PCDHGA11: variants seen among roughly 807,000 people sequenced by gnomAD.
PCDHGA11 encodes the protein protocadherin gamma subfamily A, 11.
A neutral mutation model predicts 60.4 loss-of-function variants in PCDHGA11; 39 were observed. That is an observed-to-expected ratio of 0.65 (90% CI 0.50 to 0.84). The LOEUF (loss-of-function observed/expected upper bound fraction) is 0.84. Among genes scored for constraint, PCDHGA11 ranks in the 40% least tolerant of loss-of-function variants. The pLI is 0.00. For synonymous variants in PCDHGA11, 533 were observed against 510.3 expected (o/e 1.04, Z -0.60); for missense variants, 1,165 against 1,197.7 (o/e 0.97, Z 0.40).
rs200519543 is a variant in PCDHGA11, at chr5:141,439,190, C to CAA, written c.2433+15544_2433+15545dup. 3.7e-3 allele frequency among the ~76,000 whole-genome samples: 409 copies of CAA among 111,790 alleles called. 4 individuals are homozygous for CAA. The highest frequency in any genetic ancestry group is 0.029 in the East Asian group (112 of 3,852). The allele number at this position is 111,790 out of a possible 152,430, so 73.3% of individuals were successfully genotyped here. A position where few individuals can be genotyped will look rare whatever the true frequency, so the allele number is the denominator to read the frequency against. On this transcript the variant is annotated intron_variant, in intron 1 of 3. Transcript: ENST00000398587. Reference sequence around the variant, plus strand: ...CCTGGGCGACATAGTGAGACTCTGACAAAAAAAAAAAAAAATCCATATGTG... The same window carrying CAA: ...CCTGGGCGACATAGTGAGACTCTGACAAAAAAAAAAAAAAAAATCCATATGTG...
chr5:141,427,428 T>A (rs1489623330), intron 1 of PCDHGA11: 1 of 470,472 alleles, frequency 2.1e-6, no homozygotes. Context: ...GGAGGTTACA[T>A]GCCTCATAAA....
rs148798222 is a variant in PCDHGA11, at chr5:141,432,106, G to A, written c.2433+8446G>A. On this transcript the variant is annotated intron_variant, in intron 1 of 3. Coordinates refer to ENST00000398587, the MANE Select transcript of PCDHGA11 (RefSeq NM_018914.3). This position sits in a 1 kb window ranked among gnomAD's most constrained non-coding sequence, Gnocchi z 6.0. The stretch of plus-strand genomic sequence containing the variant: ...ACGTGGCAGACACCAACGACAACCC[G>A]CCGGTCTTCCCTCAGGCCTCCTATT... 4 of 1,614,068 alleles carry A rather than the reference G, an allele frequency of 2.5e-6. No homozygotes were observed. Among genetic ancestry groups the A allele is most frequent in the Non-Finnish European group, 3.4e-6 (4 of 1,180,020 alleles).
intron 1 of PCDHGA11, chr5:141,426,591 A>G: frequency 1.4e-5 from 5 of 369,676 alleles, no homozygotes; most frequent in South Asian, 7.9e-5. Context: ...CCTCTGTGTC[A>G]TACCCTTAGA....
rs1032814206 is a variant in PCDHGA11, at chr5:141,472,764, T to A, written c.2434-22043T>A. Among the ~76,000 whole-genome samples, 12 of 152,040 alleles carry A rather than the reference T, an allele frequency of 7.9e-5. No individual in the cohort carries two copies. The East Asian group carries it at 2.1e-3, about 27-fold the overall frequency. ...ACTTTGGGAGGCGGAGGCTGGCAGATCACCTGAGGTTGGGAGTTCAAGATC... is the reference window on the plus strand; with the variant it reads ...ACTTTGGGAGGCGGAGGCTGGCAGAACACCTGAGGTTGGGAGTTCAAGATC... On this transcript the variant is annotated intron_variant, in intron 1 of 3. Coordinates refer to ENST00000398587, the MANE Select transcript of PCDHGA11 (RefSeq NM_018914.3).
chr5:141,431,554 C>A lies in PCDHGA11; in HGVS notation c.2433+7894C>A, dbSNP rs766242338. On this transcript the variant is annotated intron_variant, in intron 1 of 3. Coordinates refer to ENST00000398587, the MANE Select transcript of PCDHGA11 (RefSeq NM_018914.3). The surrounding 1 kb of genome is among the most constrained non-coding windows in gnomAD (Gnocchi z 4.8). ...TGGGCACGCAGCTGCTTGTAGTCAA[C>A]GCTACCGACCCTGACGAAGGAGTCA... 1.2e-6 allele frequency: 2 copies of A among 1,614,008 alleles called. No individual in the cohort carries two copies. Among genetic ancestry groups the A allele is most frequent in the African/African-American group, 1.3e-5 (1 of 74,942 alleles).
intron 2 of PCDHGA11, among the ~76,000 whole-genome samples, chr5:141,498,792 G>A (rs1217057199): frequency 2.6e-5 from 4 of 152,086 alleles, no homozygotes; most frequent in Admixed American, 2.6e-4. Context: ...TATTAGCCAG[G>A]TGTGGTGGTG....
At chr5:141,427,120 TC>T (rs1212765591) in intron 1 of PCDHGA11, 1 of 457,342 alleles carries the variant, frequency 2.2e-6, no homozygotes, top group African/African-American at 2.0e-5. Context: ...ACCTACTCTT[TC>T]AAATCCCTAC....
At position 141,490,357 on chromosome 5, in the gene PCDHGA11, A is replaced by G; in HGVS notation, c.2434-4450A>G. ...AGTGGGCACAGTAGTGGGGTTGTTT[A>G]ATGTGCGAGACCGGGACTCAGGTAG... On this transcript the variant is annotated intron_variant, in intron 1 of 3. Transcript: ENST00000398587. This position sits in a 1 kb window ranked among gnomAD's most constrained non-coding sequence, Gnocchi z 5.4. The G allele has an allele frequency of 6.2e-7, 1 of 1,614,178 alleles. No individual in the cohort carries two copies. The highest frequency in any genetic ancestry group is 8.5e-7 in the Non-Finnish European group (1 of 1,180,030).
chr5:141,477,265 G>A lies in PCDHGA11; in HGVS notation c.2434-17542G>A. The A allele has an allele frequency of 6.2e-7, 1 of 1,614,198 alleles. No individual in the cohort carries two copies. Among genetic ancestry groups the A allele is most frequent in the African/African-American group, 1.3e-5 (1 of 75,048 alleles). On this transcript the variant is annotated intron_variant, in intron 1 of 3. Transcript: ENST00000398587. The surrounding 1 kb of genome is among the most constrained non-coding windows in gnomAD (Gnocchi z 4.9). ...GTGTGACTGACCTGGATGCTGGCGA[G>A]AACGGGCTGGTGACCTGCGAAGTTC...
chr5:141,453,546 C>T lies in PCDHGA11; in HGVS notation c.2433+29886C>T, dbSNP rs116481133. Among the ~76,000 whole-genome samples, 695 of 152,296 alleles carry T rather than the reference C, an allele frequency of 4.6e-3. 4 individuals are homozygous for T. Among genetic ancestry groups the T allele is most frequent in the African/African-American group, 0.015 (634 of 41,558 alleles). On this transcript the variant is annotated intron_variant, in intron 1 of 3. Transcript: ENST00000398587. ...TACCTTCTGCCTCATTCACACCACA[C>T]TCTGTAGATAATCGATTTCATTAGT...
rs776079289 is a variant in PCDHGA11 at position 141,423,264 on chromosome 5, CGAGTCTCT to C, written c.2039_2046del (p.Glu680GlyfsTer2). The C allele has an allele frequency of 9.8e-5, 158 of 1,613,986 alleles. 1 individual carries two copies. The African/African-American group carries it at 1.9e-3, about 20-fold the overall frequency. ...AAGTCCTGGCGGACCTCGGCAGCCT[CGAGTCTCT>C]GGCTAACTCTGAAACCTCAGACCTC... On this transcript the variant is annotated frameshift_variant, in exon 1 of 4. Transcript: ENST00000398587. LOFTEE classifies it high-confidence loss of function.
chr5:141,446,275 A>G (rs1229842331), intron 1 of PCDHGA11, among the ~76,000 whole-genome samples: 1 of 152,156 alleles, frequency 6.6e-6, no homozygotes, highest in African/African-American at 2.4e-5. Flanking sequence ...GAATAAATAC[A>G]ATGGATAAAT....
intron 1 of PCDHGA11, among the ~76,000 whole-genome samples, chr5:141,469,108 C>A (rs923728484): frequency 4.0e-5 from 6 of 151,768 alleles, no homozygotes; most frequent in Non-Finnish European, 5.9e-5. Context: ...AAGAACCTGT[C>A]TCTAAAAAAA....
At chr5:141,470,628 G>T (rs1475199767) in intron 1 of PCDHGA11, among the ~76,000 whole-genome samples, 12 of 152,146 alleles carry the variant, frequency 7.9e-5, no homozygotes, top group Admixed American at 7.9e-4. Flanking sequence ...GCTTAGATAG[G>T]CCCCCTTGCT....
At chr5:141,449,215 T>C (rs2098631967) in intron 1 of PCDHGA11, among the ~76,000 whole-genome samples, 2 of 152,170 alleles carry the variant, frequency 1.3e-5, no homozygotes, top group Non-Finnish European at 2.9e-5. Context: ...ACTTTCTGTT[T>C]TGAAATGATT....
At position 141,490,027 on chromosome 5, in the gene PCDHGA11, C is replaced by T. The variant is rs767829552; in HGVS notation, c.2434-4780C>T. Reference sequence around the variant, plus strand: ...TGCACCCATTGGTACTCTGCTGCTCCGCCTCAATGCCACTGATCCAGACGA... The same window carrying T: ...TGCACCCATTGGTACTCTGCTGCTCTGCCTCAATGCCACTGATCCAGACGA... On this transcript the variant is annotated intron_variant, in intron 1 of 3. Coordinates refer to ENST00000398587, the MANE Select transcript of PCDHGA11 (RefSeq NM_018914.3). This position sits in a 1 kb window ranked among gnomAD's most constrained non-coding sequence, Gnocchi z 5.4. The T allele has an allele frequency of 2.4e-5, 39 of 1,614,096 alleles. No homozygotes were observed. The highest frequency in any genetic ancestry group is 4.0e-5 in the African/African-American group (3 of 74,942).
chr5:141,423,630 T>C lies in PCDHGA11; in HGVS notation c.2403T>C (p.Ile801=). The change falls in exon 1 of 4, where the codon ATT becomes ATC. Residue 801 remains isoleucine, a synonymous_variant. Coordinates refer to ENST00000398587, the MANE Select transcript of PCDHGA11 (RefSeq NM_018914.3). ...PLLIAEDSAI[I]LGKCDPTSNQ... ...TGATAGCTGAAGACTCAGCTATCATTTTAGGCAAATGTGACCCGACAAGTA... is the reference window on the plus strand; with the variant it reads ...TGATAGCTGAAGACTCAGCTATCATCTTAGGCAAATGTGACCCGACAAGTA... 1 of 1,603,994 alleles carries C rather than the reference T, an allele frequency of 6.2e-7. No individual in the cohort carries two copies. Among genetic ancestry groups the C allele is most frequent in the Non-Finnish European group, 8.5e-7 (1 of 1,175,180 alleles).
At chr5:141,508,896 C>A (rs1171693212) in intron 3 of PCDHGA11, among the ~76,000 whole-genome samples, 1 of 151,862 alleles carries the variant, frequency 6.6e-6, no homozygotes, top group Non-Finnish European at 1.5e-5. Context: ...GGGGAGGGGG[C>A]GGGGCGGTGG....
chr5:141,454,860 T>G (rs62379170), intron 1 of PCDHGA11, among the ~76,000 whole-genome samples: 5,850 of 133,200 alleles, frequency 0.044, 153 homozygotes, highest in Middle Eastern at 0.11. Context: ...CAGGCTGGAG[T>G]GCAGTGGCAC....
Sources: gnomAD v4.1 joint callset for allele counts (sites outside exome capture counted in the v4.1 genomes callset) on GRCh38, gnomAD v4.1.1 for gene constraint, Gnocchi (gnomAD v3.1) non-coding constraint, MANE v1.5 for transcripts, NCBI Gene and HGNC (gene_info 2026-07-23, HGNC 2026-07-21) for gene names.